SLC24A2: variants seen among roughly 807,000 people sequenced by gnomAD.
SLC24A2 encodes sodium/potassium/calcium exchanger 2.
Under a neutral mutation model 62.0 loss-of-function variants are expected in SLC24A2, and 36 were observed. That is an observed-to-expected ratio of 0.58 (90% confidence interval 0.44 to 0.77). SLC24A2 has a LOEUF of 0.77. Ranked by LOEUF, SLC24A2 falls within the 30% of genes least tolerant of loss-of-function variation. SLC24A2 has a pLI of 0.00. For missense variants in SLC24A2, 846 were observed against 817.9 expected (o/e 1.03, Z -0.42); for synonymous variants, 358 against 294.0 (o/e 1.22, Z -2.23).
chr9:19,963,319 G>A, the SLC24A2 span, among the ~76,000 whole-genome samples: 2 of 151,120 alleles, frequency 1.3e-5, no homozygotes, highest in South Asian at 2.1e-4. Flanking sequence ...TAAGGACGTC[G>A]TGTCTAAAAC....
the SLC24A2 span, among the ~76,000 whole-genome samples, chr9:19,796,888 A>G: frequency 6.6e-6 from 1 of 152,242 alleles, no homozygotes; most frequent in East Asian, 1.9e-4. Context: ...AAACTCATAA[A>G]TATCTGGGAA....
the SLC24A2 span, among the ~76,000 whole-genome samples, chr9:19,965,584 G>C: frequency 1.3e-5 from 2 of 152,106 alleles, no homozygotes; most frequent in African/African-American, 2.4e-5. Flanking sequence ...TTAACCACCC[G>C]GTGACTCAAT....
At chr9:19,813,376 G>A in the SLC24A2 span, among the ~76,000 whole-genome samples, 1 of 119,954 alleles carries the variant, frequency 8.3e-6, no homozygotes, top group Non-Finnish European at 1.6e-5. Context: ...AGGCTGGAAT[G>A]CGGTGGCACG....
At chr9:19,957,338 A>G in the SLC24A2 span, 2 of 152,330 alleles carry the variant, frequency 1.3e-5, no homozygotes, top group East Asian at 3.9e-4. Context: ...AAAACACTCT[A>G]TATCCAGAAT....
At chr9:20,162,657 G>A in the SLC24A2 span, among the ~76,000 whole-genome samples, 1 of 151,956 alleles carries the variant, frequency 6.6e-6, no homozygotes, top group Admixed American at 6.6e-5. Context: ...TGATACCAAA[G>A]CTGGGCAGAG....
chr9:20,136,161 T>C, the SLC24A2 span, among the ~76,000 whole-genome samples: 1 of 152,092 alleles, frequency 6.6e-6, no homozygotes, highest in Non-Finnish European at 1.5e-5. Context: ...AGTTACAGAG[T>C]GCTTCCTGGA....
intron 2 of SLC24A2, among the ~76,000 whole-genome samples, chr9:19,777,462 TTTG>T (rs1587312220): frequency 6.6e-6 from 1 of 152,322 alleles, no homozygotes; most frequent in East Asian, 1.9e-4. Flanking sequence ...TGTAAAGCTA[TTTG>T]TTGTAGTATT....
At chr9:20,240,295 C>T in the SLC24A2 span, among the ~76,000 whole-genome samples, 2 of 152,184 alleles carry the variant, frequency 1.3e-5, no homozygotes, top group African/African-American at 4.8e-5. Context: ...TAGATGAGAA[C>T]TTAATCCCAT....
chr9:19,911,040 T>C, the SLC24A2 span, among the ~76,000 whole-genome samples: 4 of 150,522 alleles, frequency 2.7e-5, no homozygotes, highest in African/African-American at 9.8e-5. Flanking sequence ...TAGCATTAGG[T>C]GTATCTCTTA....
In SLC24A2 at chr9:19,529,723, T is replaced by G. The variant is rs1053957734; in HGVS notation, c.1480-1585A>C. ...AATGGGGGAAATAAAAAGGTAATCA[T>G]TTTTTTAAAGTGGAGTTGGAGACCT... On this transcript the variant is annotated intron_variant, in intron 8 of 10. Coordinates refer to ENST00000341998, the MANE Select transcript of SLC24A2 (RefSeq NM_020344.4). Among the ~76,000 whole-genome samples the G allele has an allele frequency of 9.2e-5, 14 of 151,534 alleles. No individual in the cohort carries two copies. In the Admixed American group the frequency reaches 9.2e-4, roughly 10 times the overall value.
At chr9:19,906,743 C>T in the SLC24A2 span, among the ~76,000 whole-genome samples, 4 of 151,624 alleles carry the variant, frequency 2.6e-5, no homozygotes, top group South Asian at 6.3e-4. Flanking sequence ...ATGGATAAAT[C>T]CCTCGACATA....
At chr9:20,089,146 C>A in the SLC24A2 span, among the ~76,000 whole-genome samples, 1 of 152,194 alleles carries the variant, frequency 6.6e-6, no homozygotes, top group Non-Finnish European at 1.5e-5. Flanking sequence ...TGCTGTTTCA[C>A]AGCCCTTGCC....
the SLC24A2 span, among the ~76,000 whole-genome samples, chr9:19,913,007 A>G: frequency 6.6e-6 from 1 of 152,114 alleles, no homozygotes; most frequent in South Asian, 2.1e-4. Context: ...CCTATGACTC[A>G]GGTCTCCTGG....
In SLC24A2 at chr9:19,511,224, T is replaced by C. The variant is rs894066068; in HGVS notation, c.*4929A>G. The stretch of plus-strand genomic sequence containing the variant: ...GAGCTGGCTGTGAGTAGTTCCCTTA[T>C]TGCTTTTCTTGTTTGCTATATATTT... On this transcript the variant is annotated 3_prime_UTR_variant, in exon 11 of 11. Transcript: ENST00000341998. The C allele has an allele frequency of 3.9e-5, 6 of 152,172 alleles. No individual in the cohort carries two copies. The highest frequency in any genetic ancestry group is 5.9e-5 in the Non-Finnish European group (4 of 68,036). The allele number at this position is 152,172 out of a possible 1,614,324, so 9.4% of individuals were successfully genotyped here.
In SLC24A2 at chr9:19,646,941, C is replaced by T. The variant is rs140190962; in HGVS notation, c.931-24642G>A. Among the ~76,000 whole-genome samples the T allele has an allele frequency of 1.2e-4, 18 of 152,066 alleles. No individual in the cohort carries two copies. The East Asian group carries it at 1.7e-3, about 15-fold the overall frequency. On this transcript the variant is annotated intron_variant, in intron 2 of 10. Transcript: ENST00000341998. ...CTGGAATACTATCTGTGGCCCATTCCCCTGTAGAAGTCTGCCAAATTTCCA... is the reference window on the plus strand; with the variant it reads ...CTGGAATACTATCTGTGGCCCATTCTCCTGTAGAAGTCTGCCAAATTTCCA...
At chr9:19,790,398 C>T (rs770563356), upstream of SLC24A2, among the ~76,000 whole-genome samples, 7 of 151,942 alleles carry the variant, frequency 4.6e-5, no homozygotes, top group Non-Finnish European at 1.0e-4. Context: ...AAGCAAATCC[C>T]AGAGCATCAT....
At chr9:19,720,602 G>C (rs953282150) in intron 2 of SLC24A2, among the ~76,000 whole-genome samples, 1 of 151,760 alleles carries the variant, frequency 6.6e-6, no homozygotes, top group Non-Finnish European at 1.5e-5. Context: ...TGGTGCTTAA[G>C]AATTTTCCTC....
At chr9:20,222,861 T>C in the SLC24A2 span, among the ~76,000 whole-genome samples, 1 of 152,112 alleles carries the variant, frequency 6.6e-6, no homozygotes, top group African/African-American at 2.4e-5. Context: ...AGCATTATCT[T>C]AATAAAGCAT....
chr9:19,555,119 C>G (rs981689963), intron 7 of SLC24A2, among the ~76,000 whole-genome samples: 1 of 152,176 alleles, frequency 6.6e-6, no homozygotes, highest in Non-Finnish European at 1.5e-5. Context: ...GCACCCACTT[C>G]ACATCACAAT....
Sources: allele counts gnomAD v4.1 joint callset (sites outside exome capture counted in the v4.1 genomes callset), GRCh38; gene constraint gnomAD v4.1.1; transcripts MANE v1.5; gene names NCBI Gene and HGNC (gene_info 2026-07-23, HGNC 2026-07-21).